PREX1: variants seen among roughly 807,000 people sequenced by gnomAD.
PREX1 encodes the protein phosphatidylinositol-3,4,5-trisphosphate dependent Rac exchange factor 1.
In PREX1, 41 loss-of-function variants were observed where a neutral mutation model predicts 198.3. The observed-to-expected ratio is 0.21, with a 90% CI of 0.16 to 0.27. PREX1 has a LOEUF of 0.27. Among genes scored for constraint, PREX1 ranks in the 10% least tolerant of loss-of-function variants. PREX1 has a pLI of 1.00. For missense variants in PREX1, 1,620 were observed against 2,200.7 expected (o/e 0.74, Z 5.28); for synonymous variants, 843 against 887.2 (o/e 0.95, Z 0.89).
intron 1 of PREX1, among the ~76,000 whole-genome samples, chr20:48,789,313 A>G (rs1345056624): frequency 6.6e-6 from 1 of 152,180 alleles, no homozygotes; most frequent in East Asian, 1.9e-4. Flanking sequence ...CAACCTGCAG[A>G]GCCTCAGGCC....
rs367977079 is a variant in PREX1 at position 48,691,188 on chromosome 20, C to G, written c.1037-92G>C. ...CCAAGCCCTTCCGCCCCAGCACAGG[C>G]AGGGCCCTCGCCTGGATCAGGATGG... On this transcript the variant is annotated intron_variant, in intron 8 of 39. Coordinates refer to ENST00000371941, the MANE Select transcript of PREX1 (RefSeq NM_020820.4). The surrounding 1 kb of genome is among the most constrained non-coding windows in gnomAD (Gnocchi z 5.0). 5.2e-6 allele frequency: 8 copies of G among 1,523,824 alleles called. No individual in the cohort carries two copies. The highest frequency in any genetic ancestry group is 6.3e-6 in the Non-Finnish European group (7 of 1,106,466). The allele number at this position is 1,523,824 out of a possible 1,614,324, so 94.4% of individuals were successfully genotyped here.
chr20:48,759,666 T>C (rs1417358068), intron 1 of PREX1, among the ~76,000 whole-genome samples: 2 of 152,136 alleles, frequency 1.3e-5, no homozygotes, highest in East Asian at 1.9e-4. Context: ...AAGTAAATTA[T>C]TTATTCTCTC....
intron 18 of PREX1, chr20:48,656,407 T>A (rs763817377): frequency 2.9e-6 from 1 of 341,970 alleles, no homozygotes; most frequent in Non-Finnish European, 5.6e-6. Flanking sequence ...CCATGGGTCC[T>A]TGCCAGGGGC....
At chr20:48,807,778 G>A (rs993495632) in intron 1 of PREX1, among the ~76,000 whole-genome samples, 1 of 152,204 alleles carries the variant, frequency 6.6e-6, no homozygotes. Context: ...TGTGACGACA[G>A]TAAGGGATGG....
At chr20:48,849,031 C>A in the PREX1 span, among the ~76,000 whole-genome samples, 1 of 151,958 alleles carries the variant, frequency 6.6e-6, no homozygotes, top group Non-Finnish European at 1.5e-5. Flanking sequence ...AGCCACCATG[C>A]CTGGCCTGAT....
chr20:48,803,251 C>A (rs376014167), intron 1 of PREX1, among the ~76,000 whole-genome samples: 2 of 152,228 alleles, frequency 1.3e-5, no homozygotes, highest in African/African-American at 4.8e-5. Context: ...GCAGCACAGG[C>A]CAGACCAGAA....
chr20:48,703,294 CTG>C (rs1275501133), intron 6 of PREX1, among the ~76,000 whole-genome samples: 4 of 152,232 alleles, frequency 2.6e-5, no homozygotes, highest in Non-Finnish European at 5.9e-5. Flanking sequence ...TGGTCGAGAG[CTG>C]TGCAGCCGGG....
At chr20:48,706,369 C>T (rs1253320835) in intron 6 of PREX1, among the ~76,000 whole-genome samples, 1 of 152,176 alleles carries the variant, frequency 6.6e-6, no homozygotes, top group African/African-American at 2.4e-5. Context: ...TATTAGGTAA[C>T]TTATGTATGT....
the PREX1 span, among the ~76,000 whole-genome samples, chr20:48,847,622 C>T: frequency 1.3e-5 from 2 of 152,096 alleles, no homozygotes. Context: ...CCTTTCCAGG[C>T]TTTGGTGGTG....
intron 11 of PREX1, 35 bp from the exon 12 acceptor site, chr20:48,679,789 G>A (rs370393461): frequency 1.4e-5 from 21 of 1,510,480 alleles, no homozygotes; most frequent in African/African-American, 2.8e-5. Context: ...CGCTGGGCAC[G>A]CCCCCTCAGC....
intron 27 of PREX1, among the ~76,000 whole-genome samples, chr20:48,643,666 G>GTTGT (rs958795623): frequency 2.0e-5 from 3 of 151,868 alleles, no homozygotes; most frequent in Admixed American, 6.6e-5. Flanking sequence ...ACTTCTTTTT[G>GTTGT]TTGTTTGTTT....
chr20:48,865,044 G>T, the PREX1 span, among the ~76,000 whole-genome samples: 1 of 152,080 alleles, frequency 6.6e-6, no homozygotes, highest in Non-Finnish European at 1.5e-5. Context: ...GTTGGGGGGG[G>T]TCTTACCCAA....
At position 48,666,676 on chromosome 20, in the gene PREX1, C is replaced by A. The variant is rs1207504235; in HGVS notation, c.1666-321G>T. On this transcript the variant is annotated intron_variant, in intron 14 of 39. Transcript: ENST00000371941. The surrounding 1 kb of genome is among the most constrained non-coding windows in gnomAD (Gnocchi z 4.3). ...GAGTAGCTGGGACTACAGGCACCTG[C>A]CACCACGCCCGGCTAATTTTTTGTA... is the stretch of plus-strand genomic sequence containing the variant. Among the ~76,000 whole-genome samples, 1 of 152,130 alleles carries A rather than the reference C, an allele frequency of 6.6e-6. No homozygotes were observed. Among genetic ancestry groups the A allele is most frequent in the Non-Finnish European group, 1.5e-5 (1 of 68,012 alleles).
At chr20:48,863,820 T>G in the PREX1 span, among the ~76,000 whole-genome samples, 140 of 152,234 alleles carry the variant, frequency 9.2e-4, no homozygotes, top group African/African-American at 3.3e-3. Context: ...TGACCTCAGG[T>G]GATCTGCCTG....
At chr20:48,821,626 T>C (rs2123078605) in intron 1 of PREX1, 1 of 152,368 alleles carries the variant, frequency 6.6e-6, no homozygotes, top group Admixed American at 6.5e-5. Context: ...CAGCCAGGCA[T>C]GACCTGCTTC....
intron 37 of PREX1, among the ~76,000 whole-genome samples, 192 bp from the exon 38 acceptor site, chr20:48,628,155 G>A (rs931282322): frequency 6.6e-6 from 1 of 152,112 alleles, no homozygotes; most frequent in African/African-American, 2.4e-5. Context: ...TCTTCCTCCA[G>A]GCAGCCACCA....
chr20:48,749,446 C>T (rs2090124442), intron 1 of PREX1, among the ~76,000 whole-genome samples: 1 of 152,210 alleles, frequency 6.6e-6, no homozygotes, highest in African/African-American at 2.4e-5. Context: ...TCCCACCACG[C>T]TTGTCTAGGG....
At chr20:48,661,219 GACC>G (rs2089588324) in intron 15 of PREX1, among the ~76,000 whole-genome samples, 2 of 151,434 alleles carry the variant, frequency 1.3e-5, no homozygotes, top group South Asian at 4.2e-4. Flanking sequence ...GGGAGTCCCA[GACC>G]AGCCTGACAC....
chr20:48,745,946 G>A (rs191023120), intron 2 of PREX1, among the ~76,000 whole-genome samples: 5 of 152,256 alleles, frequency 3.3e-5, no homozygotes, highest in Middle Eastern at 3.4e-3. Context: ...GACAGACCCC[G>A]CAATGAGCAA....
Sources: gnomAD v4.1 joint callset for allele counts (sites outside exome capture counted in the v4.1 genomes callset) on GRCh38, gnomAD v4.1.1 for gene constraint, Gnocchi (gnomAD v3.1) non-coding constraint, MANE v1.5 for transcripts, NCBI Gene and HGNC (gene_info 2026-07-23, HGNC 2026-07-21) for gene names.